Variants in SLC16A12 observed in about 807,000 individuals in gnomAD.
SLC16A12 encodes monocarboxylate transporter 12.
In SLC16A12, 17 loss-of-function variants were observed where a neutral mutation model predicts 42.4. The ratio of observed to expected loss-of-function variants is 0.40; its 90% confidence interval spans 0.27 to 0.60. The LOEUF is 0.60. Ranked by LOEUF, SLC16A12 falls within the 20% of genes least tolerant of loss-of-function variation. SLC16A12 has a pLI of 0.42. For synonymous variants in SLC16A12, 224 were observed against 229.4 expected (o/e 0.98, Z 0.21); for missense variants, 544 against 623.0 (o/e 0.87, Z 1.35).
intron 2 of SLC16A12, among the ~76,000 whole-genome samples, chr10:89,509,282 C>T (rs542222393): frequency 6.6e-6 from 1 of 152,044 alleles, no homozygotes; most frequent in South Asian, 2.1e-4. Context: ...ACCTAGCAGA[C>T]ACAACAAAAA....
At chr10:89,513,724 C>T (rs1843200551) in intron 2 of SLC16A12, among the ~76,000 whole-genome samples, 1 of 152,134 alleles carries the variant, frequency 6.6e-6, no homozygotes, top group Admixed American at 6.6e-5. Flanking sequence ...ACCAGTAGAA[C>T]AAGGGACTAG....
At chr10:89,523,735 A>C (rs963835486) in intron 2 of SLC16A12, among the ~76,000 whole-genome samples, 3 of 152,070 alleles carry the variant, frequency 2.0e-5, no homozygotes, top group Admixed American at 6.6e-5. Context: ...CTGAAGCACT[A>C]CTCCAGGCAC....
intron 2 of SLC16A12, among the ~76,000 whole-genome samples, chr10:89,511,637 C>T (rs1352919983): frequency 1.2e-4 from 19 of 152,126 alleles, no homozygotes; most frequent in Admixed American, 3.9e-4. Context: ...ATGTAAATGA[C>T]GAGTTGATGG....
At chr10:89,436,000 T>C (rs1397109949) in intron 7 of SLC16A12, 60 bp downstream of exon 7, 3 of 1,608,330 alleles carry the variant, frequency 1.9e-6, no homozygotes, top group Non-Finnish European at 2.5e-6. Context: ...GTGGGTTTGC[T>C]GTTTTCACAT....
chr10:89,536,022 A>G (rs967611605), upstream of SLC16A12, among the ~76,000 whole-genome samples: 7 of 152,198 alleles, frequency 4.6e-5, no homozygotes, highest in African/African-American at 1.4e-4. Context: ...TGGCTTGGCT[A>G]GGGGCGAGGG....
In SLC16A12 at chr10:89,430,766, A is replaced by C. The variant is rs1340765204; in HGVS notation, c.*2298T>G. ...TTATACAAAATCTTTAAAATTTCTG[A>C]TCACTATGCTTATTTTTCATAAATA... On this transcript the variant is annotated 3_prime_UTR_variant, in exon 8 of 8. Coordinates refer to ENST00000371790, the MANE Select transcript of SLC16A12 (RefSeq NM_213606.4). The C allele has an allele frequency of 2.2e-6, 1 of 459,502 alleles. No homozygotes were observed. Among genetic ancestry groups the C allele is most frequent in the Middle Eastern group, 3.3e-4 (1 of 3,038 alleles). The allele number at this position is 459,502 out of a possible 1,614,324, so 28.5% of individuals were successfully genotyped here.
Position 89,430,538 on chromosome 10 carries a change from A to T in SLC16A12, c.*2526T>A. On this transcript the variant is annotated 3_prime_UTR_variant, in exon 8 of 8. Transcript: ENST00000371790. ...TATAATTTTGTTCTTGATTCCACAA[A>T]ATACATCATTCCCATGAATTTCTCA... 2.4e-6 allele frequency: 1 copy of T among 422,638 alleles called. No individual in the cohort carries two copies. Among genetic ancestry groups the T allele is most frequent in the Middle Eastern group, 3.6e-4 (1 of 2,800 alleles). 26.2% of individuals were successfully genotyped at this position (422,638 alleles called of 1,614,324 possible). A position where few individuals can be genotyped will look rare whatever the true frequency, so the allele number is the denominator to read the frequency against.
intron 3 of SLC16A12, 141 bp downstream of exon 3, chr10:89,462,238 G>T: frequency 8.6e-7 from 1 of 1,162,504 alleles, no homozygotes; most frequent in Non-Finnish European, 1.2e-6. Flanking sequence ...AATGATACCT[G>T]AAGAGTCAAC....
At chr10:89,521,770 G>A (rs936219231) in intron 2 of SLC16A12, among the ~76,000 whole-genome samples, 18 of 152,218 alleles carry the variant, frequency 1.2e-4, no homozygotes, top group Non-Finnish European at 2.2e-4. Context: ...TAATCTGGCT[G>A]AAGCATCCAA....
At chr10:89,525,892 T>C (rs1310630519) in intron 2 of SLC16A12, among the ~76,000 whole-genome samples, 1 of 152,176 alleles carries the variant, frequency 6.6e-6, no homozygotes, top group African/African-American at 2.4e-5. Context: ...ATGTCTGGAT[T>C]TTTTAAGGTA....
At position 89,431,657 on chromosome 10, in the gene SLC16A12, T is replaced by C. The variant is rs1487526304; in HGVS notation, c.*1407A>G. Reference sequence around the variant, plus strand: ...TGACATTTGGATTTTAAACTCCTGGTAATTAAAATTGATTGCATAATTTAC... The same window carrying C: ...TGACATTTGGATTTTAAACTCCTGGCAATTAAAATTGATTGCATAATTTAC... On this transcript the variant is annotated 3_prime_UTR_variant, in exon 8 of 8. Coordinates refer to ENST00000371790, the MANE Select transcript of SLC16A12 (RefSeq NM_213606.4). 6.6e-6 allele frequency: 1 copy of C among 152,212 alleles called. No homozygotes were observed. Among genetic ancestry groups the C allele is most frequent in the Non-Finnish European group, 1.5e-5 (1 of 68,042 alleles). 9.4% of individuals were successfully genotyped at this position (152,212 alleles called of 1,614,324 possible). A position where few individuals can be genotyped will look rare whatever the true frequency, so the allele number is the denominator to read the frequency against.
upstream of SLC16A12, among the ~76,000 whole-genome samples, chr10:89,538,958 T>TTGGGTGA (rs1843696320): frequency 6.6e-6 from 1 of 152,202 alleles, no homozygotes; most frequent in East Asian, 1.9e-4. Context: ...TTCCTCATCC[T>TTGGGTGA]CCACTGTCCT....
chr10:89,539,043 C>G (rs1187642702), upstream of SLC16A12, among the ~76,000 whole-genome samples: 2 of 152,252 alleles, frequency 1.3e-5, no homozygotes, highest in Non-Finnish European at 1.5e-5. Flanking sequence ...AGTCCCATAT[C>G]CTGTTTCTTG....
chr10:89,466,720 T>C (rs1842405903), intron 2 of SLC16A12, among the ~76,000 whole-genome samples: 1 of 152,170 alleles, frequency 6.6e-6, no homozygotes, highest in African/African-American at 2.4e-5. Flanking sequence ...GTGTCCCCTT[T>C]CAGACAAGTC....
At chr10:89,551,850 G>A (rs940840882) in intron 2 of SLC16A12, among the ~76,000 whole-genome samples, 28 of 152,184 alleles carry the variant, frequency 1.8e-4, no homozygotes, top group African/African-American at 6.3e-4. Flanking sequence ...CTCAGTCTCA[G>A]GTATGTCTTT....
At chr10:89,447,169 C>T (rs796469896) in intron 3 of SLC16A12, among the ~76,000 whole-genome samples, 2 of 151,958 alleles carry the variant, frequency 1.3e-5, no homozygotes, top group South Asian at 2.1e-4. Flanking sequence ...GGGAGACTAA[C>T]GCCCCACTGT....
At position 89,431,080 on chromosome 10, in the gene SLC16A12, C is replaced by T. The variant is rs1460544979; in HGVS notation, c.*1984G>A. On this transcript the variant is annotated 3_prime_UTR_variant, in exon 8 of 8. Coordinates refer to ENST00000371790, the MANE Select transcript of SLC16A12 (RefSeq NM_213606.4). Reference sequence around the variant, plus strand: ...TGGCATGATTTTGGCTCACTGCAACCTCCACCTCCTGGGTTCAAGCGATTG... The same window carrying T: ...TGGCATGATTTTGGCTCACTGCAACTTCCACCTCCTGGGTTCAAGCGATTG... 2.4e-5 allele frequency: 5 copies of T among 210,438 alleles called. No individual in the cohort carries two copies. Among genetic ancestry groups the T allele is most frequent in the Non-Finnish European group, 4.7e-5 (5 of 106,098 alleles). The allele number at this position is 210,438 out of a possible 1,614,324, so 13.0% of individuals were successfully genotyped here. A position where few individuals can be genotyped will look rare whatever the true frequency, so the allele number is the denominator to read the frequency against.
chr10:89,554,078 A>AAG (rs1843789661), intron 2 of SLC16A12, among the ~76,000 whole-genome samples: 1 of 121,518 alleles, frequency 8.2e-6, no homozygotes, highest in Admixed American at 8.3e-5. Context: ...GAAAGAAAGA[A>AAG]AGAAAGAAAG....
rs892851592 is a variant in SLC16A12, at chr10:89,552,200, C to T, written c.-47+3682G>A. Among the ~76,000 whole-genome samples the T allele has an allele frequency of 3.9e-5, 6 of 152,170 alleles. No individual in the cohort carries two copies. In the East Asian group the frequency reaches 1.2e-3, roughly 29 times the overall value. On this transcript the variant is annotated intron_variant, in intron 2 of 2. Transcript: ENST00000475682. ...CTTCCCACCTTGGCCTCCCAAAGTCCTGGGATTACAGGCGTGAGCCACTCA... is the reference window on the plus strand; with the variant it reads ...CTTCCCACCTTGGCCTCCCAAAGTCTTGGGATTACAGGCGTGAGCCACTCA...
Sources: allele counts gnomAD v4.1 joint callset (sites outside exome capture counted in the v4.1 genomes callset), GRCh38; gene constraint gnomAD v4.1.1; transcripts MANE v1.5; gene names NCBI Gene and HGNC (gene_info 2026-07-23, HGNC 2026-07-21).